The following CBR4 variants were observed in gnomAD, a reference collection of about 807,000 sequenced individuals.
CBR4 encodes the protein carbonyl reductase 4, also known as 3-oxoacyl-[acyl-carrier-protein] reductase.
Under a neutral mutation model 21.0 loss-of-function variants are expected in CBR4, and 22 were observed. The ratio of observed to expected loss-of-function variants is 1.05; its 90% CI spans 0.75 to 1.50. The LOEUF (loss-of-function observed/expected upper bound fraction) is 1.50, where lower values mean the gene tolerates loss of function less well. Ranked by LOEUF, CBR4 falls within the 40% of genes most tolerant of loss-of-function variation. CBR4 has a pLI of 0.00. For missense variants in CBR4, 302 were observed against 286.3 expected (o/e 1.05, Z -0.40); for synonymous variants, 100 against 104.4 (o/e 0.96, Z 0.26).
downstream of CBR4, among the ~76,000 whole-genome samples, chr4:168,986,676 G>GCTC (rs1240586715): frequency 6.6e-6 from 1 of 152,194 alleles, no homozygotes; most frequent in Non-Finnish European, 1.5e-5. Flanking sequence ...GGGCATGGTG[G>GCTC]CTCACGCCTG....
At chr4:168,898,430 G>A in intron 2 of CBR4, 1 of 1,020,244 alleles carries the variant, frequency 9.8e-7, no homozygotes, top group Non-Finnish European at 1.6e-6. Flanking sequence ...TGGGGGGCAG[G>A]GAGAGACGTG....
At chr4:168,976,416 G>A (rs1346607050) in intron 2 of CBR4, among the ~76,000 whole-genome samples, 3 of 152,206 alleles carry the variant, frequency 2.0e-5, no homozygotes, top group Non-Finnish European at 4.4e-5. Flanking sequence ...TGAGCAACAA[G>A]GCTGTTTATT....
intron 2 of CBR4, among the ~76,000 whole-genome samples, chr4:168,979,639 C>T (rs898390553): frequency 6.6e-6 from 1 of 152,080 alleles, no homozygotes; most frequent in African/African-American, 2.4e-5. Flanking sequence ...TCCAGCATGT[C>T]GCAGCCACCA....
chr4:168,896,659 C>A, intron 2 of CBR4: 1 of 930,126 alleles, frequency 1.1e-6, no homozygotes, highest in Non-Finnish European at 1.7e-6. Flanking sequence ...TTCTTCTGTT[C>A]TTCCTGTTTT....
chr4:168,899,720 C>T (rs1756044834), intron 2 of CBR4, among the ~76,000 whole-genome samples: 1 of 152,054 alleles, frequency 6.6e-6, no homozygotes, highest in Non-Finnish European at 1.5e-5. Flanking sequence ...AGTTCGAGAC[C>T]AGCCTGGCCA....
chr4:168,960,146 C>T (rs1240826692), intron 2 of CBR4, among the ~76,000 whole-genome samples: 5 of 152,108 alleles, frequency 3.3e-5, no homozygotes, highest in Admixed American at 2.0e-4. Context: ...TTGTTTGCTG[C>T]CATTCAAGAA....
intron 2 of CBR4, among the ~76,000 whole-genome samples, chr4:168,959,610 G>A (rs561087009): frequency 6.0e-4 from 80 of 133,940 alleles, no homozygotes; most frequent in Admixed American, 5.8e-3. Context: ...CTGTTGCCCA[G>A]GCTGGAATGC....
At chr4:168,931,477 A>G (rs1324002684) in intron 2 of CBR4, among the ~76,000 whole-genome samples, 1 of 152,028 alleles carries the variant, frequency 6.6e-6, no homozygotes, top group East Asian at 1.9e-4. Flanking sequence ...GGGCCAGGTG[A>G]GCTGTCACAT....
intron 2 of CBR4, among the ~76,000 whole-genome samples, chr4:168,968,592 C>T (rs935290024): frequency 7.2e-5 from 11 of 152,150 alleles, no homozygotes; most frequent in African/African-American, 1.7e-4. Flanking sequence ...GTCAAGATAC[C>T]GTTTCTGGTA....
At chr4:168,903,716 T>C (rs904089536) in intron 2 of CBR4, 3 of 1,537,228 alleles carry the variant, frequency 2.0e-6, no homozygotes, top group Non-Finnish European at 2.7e-6. Context: ...AGAGTAGGAA[T>C]ACACAAACTC....
chr4:168,918,107 G>A (rs1340191549), intron 2 of CBR4, among the ~76,000 whole-genome samples: 1 of 151,832 alleles, frequency 6.6e-6, no homozygotes, highest in Non-Finnish European at 1.5e-5. Context: ...GCTGAGGCAG[G>A]GGAATCACTT....
In CBR4 at chr4:168,909,698, CCTA is replaced by C. The variant is rs1253532376; in HGVS notation, n.170-14936_170-14934del. Among the ~76,000 whole-genome samples the C allele has an allele frequency of 7.2e-5, 11 of 152,204 alleles. No homozygotes were observed. In the East Asian group the frequency reaches 2.1e-3, roughly 29 times the overall value. ...GCAGCAGCATTAATGTGCATCAGAGCCTACTAACTATGATTACCAGGGTTAATA... is the reference window on the plus strand; with the variant it reads ...GCAGCAGCATTAATGTGCATCAGAGCCTAACTATGATTACCAGGGTTAATA... On this transcript the variant is annotated intron_variant and non_coding_transcript_variant, in intron 2 of 3. Coordinates refer to the CBR4 transcript ENST00000509108.
chr4:168,988,285 A>G lies in CBR4; in HGVS notation c.*1865T>C. On this transcript the variant is annotated 3_prime_UTR_variant, in exon 5 of 5. Coordinates refer to ENST00000306193, the MANE Select transcript of CBR4 (RefSeq NM_032783.5). ...TGAGATAGGCTGGGGGAGGAGGTGG[A>G]ATAGCTTAAAAGGTTATATTTCTTA... The G allele has an allele frequency of 1.0e-6, 1 of 985,232 alleles. No individual in the cohort carries two copies. Among genetic ancestry groups the G allele is most frequent in the East Asian group, 1.1e-4 (1 of 8,820 alleles). The allele number at this position is 985,232 out of a possible 1,614,324, so 61.0% of individuals were successfully genotyped here.
intron 2 of CBR4, chr4:168,898,216 T>A: frequency 2.1e-6 from 1 of 474,250 alleles, no homozygotes; most frequent in Non-Finnish European, 3.9e-6. Flanking sequence ...TCCTTCCCCT[T>A]GTTTCCCCTC....
At chr4:168,928,165 G>A (rs1183128223) in intron 2 of CBR4, 1 of 189,050 alleles carries the variant, frequency 5.3e-6, no homozygotes, top group Non-Finnish European at 1.1e-5. Context: ...TTGCTAATAT[G>A]GAATTTAAGA....
At chr4:168,961,946 AG>A in intron 2 of CBR4, among the ~76,000 whole-genome samples, 1 of 892 alleles carries the variant, frequency 1.1e-3, no homozygotes, top group African/African-American at 4.7e-3. Context: ...AGCACAGGAG[AG>A]GAGAGGAGAG....
At chr4:168,911,501 A>G (rs1758939263) in intron 2 of CBR4, among the ~76,000 whole-genome samples, 1 of 152,186 alleles carries the variant, frequency 6.6e-6, no homozygotes, top group Non-Finnish European at 1.5e-5. Flanking sequence ...AACAATACAC[A>G]CACTTCCTTG....
At chr4:168,990,730 GA>G (rs1447120326) in intron 4 of CBR4, among the ~76,000 whole-genome samples, 8 of 150,086 alleles carry the variant, frequency 5.3e-5, no homozygotes, top group Non-Finnish European at 1.2e-4. Flanking sequence ...CCTATAATTT[GA>G]AATTATTAAT....
intron 4 of CBR4, among the ~76,000 whole-genome samples, chr4:168,995,669 A>G (rs548271687): frequency 7.3e-4 from 111 of 152,238 alleles, no homozygotes; most frequent in African/African-American, 2.6e-3. Context: ...TTTGCTAGGT[A>G]TACATTTACA....
Sources: allele counts gnomAD v4.1 joint callset (sites outside exome capture counted in the v4.1 genomes callset), GRCh38; gene constraint gnomAD v4.1.1; transcripts MANE v1.5; gene names NCBI Gene and HGNC (gene_info 2026-07-23, HGNC 2026-07-21).